Variants in SNX9 observed in about 807,000 individuals in gnomAD.
The protein encoded by SNX9 is sorting nexin 9.
In SNX9, 44 loss-of-function variants were observed where a neutral mutation model predicts 89.4. That is an observed-to-expected ratio of 0.49 (90% confidence interval 0.39 to 0.63). SNX9 has a LOEUF of 0.63. Ranked by LOEUF, SNX9 falls within the 30% of genes least tolerant of loss-of-function variation. The pLI, the probability that SNX9 is intolerant of heterozygous loss-of-function variation, is 0.00. For synonymous variants in SNX9, 236 were observed against 247.8 expected, an observed-to-expected ratio of 0.95 and a Z score of 0.45; for missense variants, 578 against 736.1, an observed-to-expected ratio of 0.79 and a Z score of 2.49.
chr6:157,905,338 A>G (rs1783188602), intron 6 of SNX9, among the ~76,000 whole-genome samples: 1 of 152,276 alleles, frequency 6.6e-6, no homozygotes, highest in South Asian at 2.1e-4. Flanking sequence ...TCCTTTTCCC[A>G]TTGTAGATAT....
intron 1 of SNX9, among the ~76,000 whole-genome samples, chr6:157,844,600 G>GTTTTTTTTTTTTTTTTTTT (rs34836632): frequency 6.8e-5 from 9 of 131,802 alleles, no homozygotes; most frequent in East Asian, 4.5e-4. Flanking sequence ...TTTTTTTTTT[G>GTTTTTTTTTTTTTTTTTTT]TTTTTTTTTT....
At chr6:157,848,767 A>G (rs1781852674) in intron 1 of SNX9, among the ~76,000 whole-genome samples, 1 of 152,228 alleles carries the variant, frequency 6.6e-6, no homozygotes, top group South Asian at 2.1e-4. Flanking sequence ...CAACGATAGT[A>G]CAGCAGCCGT....
At chr6:157,868,686 A>G (rs1583208104) in intron 2 of SNX9, among the ~76,000 whole-genome samples, 1 of 152,244 alleles carries the variant, frequency 6.6e-6, no homozygotes, top group African/African-American at 2.4e-5. Context: ...TTCTTAAAAT[A>G]TGTAGCAAAA....
At chr6:157,827,030 A>G (rs1300031221) in intron 1 of SNX9, among the ~76,000 whole-genome samples, 5 of 13,934 alleles carry the variant, frequency 3.6e-4, no homozygotes, top group Non-Finnish European at 4.8e-4. Flanking sequence ...TAATATATAC[A>G]TATATATTAT....
chr6:157,895,454 C>T (rs1172110922), intron 4 of SNX9, among the ~76,000 whole-genome samples: 3 of 151,924 alleles, frequency 2.0e-5, no homozygotes, highest in Non-Finnish European at 4.4e-5. Flanking sequence ...TTGGTCTGTC[C>T]GATCACATGG....
chr6:157,883,042 G>A (rs918031662), intron 4 of SNX9, among the ~76,000 whole-genome samples: 4 of 152,042 alleles, frequency 2.6e-5, no homozygotes, highest in African/African-American at 9.7e-5. Flanking sequence ...TCATTGTCTT[G>A]TTTTAAGAAG....
chr6:157,824,012 A>C (rs1188412171), intron 1 of SNX9, among the ~76,000 whole-genome samples: 1 of 151,988 alleles, frequency 6.6e-6, no homozygotes, highest in Admixed American at 6.5e-5. Context: ...CGCTGCTGTT[A>C]TTTTTTTCTT....
intron 4 of SNX9, among the ~76,000 whole-genome samples, chr6:157,890,512 G>A (rs1782835632): frequency 6.6e-6 from 1 of 152,178 alleles, no homozygotes; most frequent in Admixed American, 6.5e-5. Flanking sequence ...GGCCTAAAGG[G>A]GCATTTGATT....
At chr6:157,938,601 T>G in intron 15 of SNX9, 32 bp from the exon 16 acceptor site, 1 of 1,412,130 alleles carries the variant, frequency 7.1e-7, no homozygotes, top group South Asian at 1.2e-5. Context: ...CATTTCAGCT[T>G]TATTCATACT....
At chr6:157,928,523 T>G in intron 11 of SNX9, 76 bp from the exon 12 acceptor site, 1 of 1,112,480 alleles carries the variant, frequency 9.0e-7, no homozygotes, top group Non-Finnish European at 1.3e-6. Context: ...GTGTCTGTGG[T>G]TATATTTGGC....
chr6:157,828,542 G>A (rs1017006121), intron 1 of SNX9, among the ~76,000 whole-genome samples: 2 of 151,874 alleles, frequency 1.3e-5, no homozygotes, highest in Non-Finnish European at 2.9e-5. Context: ...CATCCAGGCT[G>A]GAGTGCAGTG....
chr6:157,874,094 C>T (rs900861518), intron 3 of SNX9: 1 of 152,242 alleles, frequency 6.6e-6, no homozygotes, highest in Admixed American at 6.5e-5. Flanking sequence ...AAAGAATTCC[C>T]CCCAGAGGAT....
At chr6:157,872,376 CT>C (rs1782430202) in intron 2 of SNX9, among the ~76,000 whole-genome samples, 1 of 152,120 alleles carries the variant, frequency 6.6e-6, no homozygotes, top group African/African-American at 2.4e-5. Context: ...GATCAGTTCA[CT>C]TTTTCTGCAT....
intron 1 of SNX9, among the ~76,000 whole-genome samples, chr6:157,825,721 C>G (rs1053629571): frequency 6.6e-6 from 1 of 152,162 alleles, no homozygotes; most frequent in Non-Finnish European, 1.5e-5. Flanking sequence ...AAGACCCTTC[C>G]TTTGTTTTCT....
chr6:157,917,686 C>T (rs75693647), intron 9 of SNX9, among the ~76,000 whole-genome samples: 9,320 of 151,984 alleles, frequency 0.061, 315 homozygotes, highest in South Asian at 0.1. Flanking sequence ...CACATTCTCC[C>T]GTATATTTTA....
intron 4 of SNX9, among the ~76,000 whole-genome samples, chr6:157,876,505 A>G (rs768783209): frequency 2.0e-5 from 3 of 152,234 alleles, no homozygotes; most frequent in Non-Finnish European, 2.9e-5. Flanking sequence ...TTATCACCAT[A>G]TACTAACTGC....
At chr6:157,883,994 A>G (rs1782681439) in intron 4 of SNX9, among the ~76,000 whole-genome samples, 1 of 152,192 alleles carries the variant, frequency 6.6e-6, no homozygotes, top group Admixed American at 6.5e-5. Flanking sequence ...TTATAAATAC[A>G]TCAAAAGGTA....
chr6:157,872,192 A>G (rs1313193954), intron 2 of SNX9, among the ~76,000 whole-genome samples: 1 of 152,200 alleles, frequency 6.6e-6, no homozygotes, highest in African/African-American at 2.4e-5. Flanking sequence ...TAATATCAAC[A>G]TTAATAGTTT....
rs77651754 is a variant in SNX9 at position 157,829,017 on chromosome 6, C to T, written c.12+5571C>T. On this transcript the variant is annotated intron_variant, in intron 1 of 17. Transcript: ENST00000392185. ...ATATATTCTAGTGAGATAAGTGACT[C>T]GATTATTGAAGTAGAAAACTATTAA... The T allele has an allele frequency of 1.6e-3, 242 of 152,062 alleles. 1 individual carries two copies. The highest frequency in any genetic ancestry group is 5.6e-3 in the African/African-American group (230 of 41,406). The allele number at this position is 152,062 out of a possible 1,614,324, so 9.4% of individuals were successfully genotyped here.
Sources: allele counts gnomAD v4.1 joint callset (sites outside exome capture counted in the v4.1 genomes callset), GRCh38; gene constraint gnomAD v4.1.1; transcripts MANE v1.5; gene names NCBI Gene and HGNC (gene_info 2026-07-23, HGNC 2026-07-21).